FRMD4A: variants seen among roughly 807,000 people sequenced by gnomAD.
FRMD4A encodes the protein FERM domain-containing protein 4A.
FRMD4A carries 29 observed loss-of-function variants against 129.1 expected under a neutral mutation model. The ratio of observed to expected loss-of-function variants is 0.22; its 90% CI spans 0.17 to 0.31. The LOEUF (loss-of-function observed/expected upper bound fraction) is 0.31, where lower values mean the gene tolerates loss of function less well. Ranked by LOEUF, FRMD4A falls within the 10% of genes least tolerant of loss-of-function variation. FRMD4A has a pLI of 1.00. For synonymous variants in FRMD4A, 634 were observed against 571.6 expected, an observed-to-expected ratio of 1.11 and a Z score of -1.56; for missense variants, 1,272 against 1,375.8, an observed-to-expected ratio of 0.92 and a Z score of 1.19.
intron 2 of FRMD4A, among the ~76,000 whole-genome samples, chr10:14,052,269 C>T (rs944245669): frequency 6.6e-6 from 1 of 152,194 alleles, no homozygotes; most frequent in Non-Finnish European, 1.5e-5. Flanking sequence ...TTTCTGTTGT[C>T]TTAAACTACC....
chr10:13,663,495 T>C lies in FRMD4A; in HGVS notation c.1618A>G (p.Ser540Gly). 1 of 1,548,964 alleles carries C rather than the reference T, an allele frequency of 6.5e-7. No homozygotes were observed. The highest frequency in any genetic ancestry group is 1.7e-4 in the Middle Eastern group (1 of 5,948). ...GCATCTGAGAGGGAGCTGTCTTCAC[T>C]GGCAATGTTTCCATCTGAGAAGACA... ...SLIIDDGNIA[S>G]EDSSLSDALV... The change falls in exon 19 of 25, where the codon AGT becomes GGT. Residue 540 changes from serine (S) to glycine (G), a missense_variant. Ser to Gly is a moderately conservative substitution (Grantham distance 56). Transcript: ENST00000357447.
At position 14,178,552 on chromosome 10, in the gene FRMD4A, G is replaced by T. The variant is rs183874774; in HGVS notation, c.45+151506C>A. 2.0e-5 allele frequency among the ~76,000 whole-genome samples: 3 copies of T among 152,166 alleles called. No individual in the cohort carries two copies. The East Asian group carries it at 5.8e-4, about 29-fold the overall frequency. On this transcript the variant is annotated intron_variant, in intron 2 of 24. Coordinates refer to ENST00000357447, the MANE Select transcript of FRMD4A (RefSeq NM_018027.5). ...GTGGTTGAATTGTTGCAGGGTGAAGGGGGCAGGAAGAGAGAGAGGGTGGTG... is the reference window on the plus strand; with the variant it reads ...GTGGTTGAATTGTTGCAGGGTGAAGTGGGCAGGAAGAGAGAGAGGGTGGTG...
chr10:14,311,705 C>T (rs1441702458), intron 2 of FRMD4A, among the ~76,000 whole-genome samples: 2 of 152,038 alleles, frequency 1.3e-5, no homozygotes, highest in African/African-American at 4.8e-5. Context: ...GTTCCATCTT[C>T]TCCCTCCTGC....
intron 2 of FRMD4A, among the ~76,000 whole-genome samples, chr10:14,022,604 G>C (rs2131647594): frequency 6.6e-6 from 1 of 152,282 alleles, no homozygotes; most frequent in East Asian, 1.9e-4. Context: ...TGTAAATAAG[G>C]GGTAAAAATT....
intron 14 of FRMD4A, among the ~76,000 whole-genome samples, chr10:13,695,216 C>G (rs2086102570): frequency 1.3e-5 from 2 of 151,986 alleles, no homozygotes; most frequent in South Asian, 4.2e-4. Context: ...TCTTGACTCT[C>G]TGCAACCTCT....
At chr10:14,170,226 T>C (rs561789809) in intron 2 of FRMD4A, among the ~76,000 whole-genome samples, 1 of 152,326 alleles carries the variant, frequency 6.6e-6, no homozygotes, top group South Asian at 2.1e-4. Context: ...TCCAAAAATA[T>C]AGCATGATCA....
At chr10:14,305,029 C>A (rs1457841777) in intron 2 of FRMD4A, among the ~76,000 whole-genome samples, 1 of 152,178 alleles carries the variant, frequency 6.6e-6, no homozygotes, top group East Asian at 1.9e-4. Context: ...GGGATCGCTG[C>A]CTTAATAAAC....
chr10:13,738,052 C>A, intron 11 of FRMD4A, 122 bp from the exon 12 acceptor site: 1 of 661,556 alleles, frequency 1.5e-6, no homozygotes, highest in Non-Finnish European at 2.7e-6. Context: ...ATGGATGGAG[C>A]CCACCTGTCT....
At chr10:14,290,938 G>A (rs1416351397) in intron 2 of FRMD4A, among the ~76,000 whole-genome samples, 2 of 152,076 alleles carry the variant, frequency 1.3e-5, no homozygotes, top group Non-Finnish European at 2.9e-5. Context: ...TAGTGAAATT[G>A]ATTTTTTACC....
chr10:14,004,281 G>A (rs553211140), intron 2 of FRMD4A, among the ~76,000 whole-genome samples: 21 of 152,296 alleles, frequency 1.4e-4, no homozygotes, highest in South Asian at 6.2e-4. Context: ...GGTGGCTCAC[G>A]CCTATAATCT....
intron 2 of FRMD4A, among the ~76,000 whole-genome samples, chr10:13,906,924 A>G (rs1203536090): frequency 6.6e-6 from 1 of 152,200 alleles, no homozygotes; most frequent in African/African-American, 2.4e-5. Flanking sequence ...CGTCAGTCAC[A>G]TCTAAAGGTG....
At chr10:14,100,065 C>T (rs573890064) in intron 2 of FRMD4A, among the ~76,000 whole-genome samples, 14 of 152,234 alleles carry the variant, frequency 9.2e-5, no homozygotes, top group Non-Finnish European at 1.5e-4. Context: ...GCCAGACAGG[C>T]GGCTCATCCA....
chr10:14,181,121 C>T (rs369579600), intron 2 of FRMD4A, among the ~76,000 whole-genome samples: 1 of 152,076 alleles, frequency 6.6e-6, no homozygotes, highest in Non-Finnish European at 1.5e-5. Context: ...CTTGCCTTTC[C>T]GAAAAAGTGT....
At chr10:14,054,587 C>T (rs1191436506) in intron 2 of FRMD4A, among the ~76,000 whole-genome samples, 1 of 152,180 alleles carries the variant, frequency 6.6e-6, no homozygotes, top group Non-Finnish European at 1.5e-5. Context: ...GGGCAGTGTC[C>T]ACTGAACAGG....
intron 2 of FRMD4A, among the ~76,000 whole-genome samples, chr10:14,053,024 T>A (rs1156552071): frequency 6.6e-6 from 1 of 152,098 alleles, no homozygotes; most frequent in Non-Finnish European, 1.5e-5. Flanking sequence ...CATATTTCAA[T>A]AAGAGATTTG....
chr10:14,251,327 G>A (rs1287776390), intron 2 of FRMD4A, among the ~76,000 whole-genome samples: 1 of 152,130 alleles, frequency 6.6e-6, no homozygotes, highest in Non-Finnish European at 1.5e-5. Flanking sequence ...ACCCAGGGGA[G>A]GCCAGCTGCT....
intron 2 of FRMD4A, among the ~76,000 whole-genome samples, chr10:14,250,719 G>A (rs572318904): frequency 3.0e-4 from 45 of 152,184 alleles, no homozygotes; most frequent in African/African-American, 1.0e-3. Flanking sequence ...TAGCAAAAAC[G>A]ACACATTTCC....
intron 2 of FRMD4A, among the ~76,000 whole-genome samples, chr10:14,229,039 T>A (rs1183201122): frequency 6.6e-6 from 1 of 152,142 alleles, no homozygotes; most frequent in African/African-American, 2.4e-5. Context: ...ACTTTTCTTA[T>A]CTTTGCTCCC....
At chr10:13,651,635 T>C (rs564782441) in intron 24 of FRMD4A, 79 of 403,572 alleles carry the variant, frequency 2.0e-4, no homozygotes, top group African/African-American at 1.5e-3. Flanking sequence ...ATCATGCCAC[T>C]GCACTCCAGC....
Sources: allele counts gnomAD v4.1 joint callset (sites outside exome capture counted in the v4.1 genomes callset), GRCh38; gene constraint gnomAD v4.1.1; transcripts MANE v1.5; gene names NCBI Gene and HGNC (gene_info 2026-07-23, HGNC 2026-07-21).